The following PCDHGB1 variants were observed in gnomAD, a reference collection of about 807,000 sequenced individuals.
PCDHGB1 encodes the protein protocadherin gamma-B1.
In PCDHGB1, 34 loss-of-function variants were observed where a neutral mutation model predicts 56.6. The ratio of observed to expected loss-of-function variants is 0.60; its 90% CI spans 0.46 to 0.80. The LOEUF is 0.80. PCDHGB1 is among the 30% of genes least tolerant of loss of function. The probability of loss-of-function intolerance (pLI) is 0.00; values close to 1 mark genes in which losing one functional copy is unlikely to be tolerated. For synonymous variants in PCDHGB1, 561 were observed against 505.9 expected (o/e 1.11, Z -1.46); for missense variants, 1,278 against 1,204.6 (o/e 1.06, Z -0.90).
At chr5:141,374,611 T>G in intron 1 of PCDHGB1, 1 of 1,613,552 alleles carries the variant, frequency 6.2e-7, no homozygotes, top group East Asian at 2.2e-5. Context: ...GTGGTAATAG[T>G]CACTTCTCAG....
chr5:141,419,735 G>A (rs1013306543), intron 1 of PCDHGB1: 4 of 1,613,806 alleles, frequency 2.5e-6, no homozygotes, highest in Non-Finnish European at 3.4e-6. Flanking sequence ...AACAGGCGAG[G>A]TGCGCATGGT....
At chr5:141,371,593 A>G in intron 1 of PCDHGB1, 1 of 1,613,972 alleles carries the variant, frequency 6.2e-7, no homozygotes, top group Non-Finnish European at 8.5e-7. Context: ...GATACCAAAA[A>G]CACATACAGG....
chr5:141,486,909 C>A lies in PCDHGB1; in HGVS notation c.2410-7898C>A, dbSNP rs759702188. On this transcript the variant is annotated intron_variant, in intron 1 of 3. Coordinates refer to ENST00000523390, the MANE Select transcript of PCDHGB1 (RefSeq NM_018922.3). The surrounding 1 kb of genome is among the most constrained non-coding windows in gnomAD (Gnocchi z 5.0). ...CGGCCTGGTTCCTTATGTCCCCAAGCACTGCCTCCATCAGTTGGTGCTGGC... is the reference window on the plus strand; with the variant it reads ...CGGCCTGGTTCCTTATGTCCCCAAGAACTGCCTCCATCAGTTGGTGCTGGC... 3.1e-6 allele frequency: 5 copies of A among 1,614,262 alleles called. No individual in the cohort carries two copies. The East Asian group carries it at 1.1e-4, about 36-fold the overall frequency.
intron 1 of PCDHGB1, chr5:141,394,883 A>G (rs370442493): frequency 1.2e-6 from 2 of 1,611,604 alleles, no homozygotes; most frequent in African/African-American, 2.7e-5. Context: ...CGAGCCTTAC[A>G]CTCTATCTCG....
At chr5:141,408,947 ATTAGTC>A in intron 1 of PCDHGB1, 6 of 1,613,666 alleles carry the variant, frequency 3.7e-6, no homozygotes, top group Non-Finnish European at 5.1e-6. Context: ...CGAATATAGA[ATTAGTC>A]TTAGTGAAAA....
chr5:141,409,808 G>A lies in PCDHGB1; in HGVS notation c.2409+57139G>A, dbSNP rs1445467116. On this transcript the variant is annotated intron_variant, in intron 1 of 3. Coordinates refer to ENST00000523390, the MANE Select transcript of PCDHGB1 (RefSeq NM_018922.3). ...CTTCGCGCTCACGCTGCAGGCCCGC[G>A]ACCACGGCTCGCCCACGCTCAGCGC... 4.3e-6 allele frequency: 7 copies of A among 1,611,624 alleles called. No individual in the cohort carries two copies. In the East Asian group the frequency reaches 1.3e-4, roughly 31 times the overall value.
chr5:141,362,666 G>C, intron 1 of PCDHGB1: 1 of 1,321,002 alleles, frequency 7.6e-7, no homozygotes, highest in South Asian at 1.5e-5. Context: ...GGCCAATGTT[G>C]TGCCTTAATT....
rs375476706 is a variant in PCDHGB1, at chr5:141,351,961, C to T, written c.1701C>T (p.Gly567=). ...RVLYPALGPD[G]SALFDMVPRA... ...TGTACCCCGCGCTGGGGCCTGATGG[C>T]TCCGCCCTCTTCGATATGGTGCCAC... is the stretch of plus-strand genomic sequence containing the variant. Residue 567 remains glycine, a synonymous_variant, in exon 1 of 4, where the codon GGC becomes GGT. Transcript: ENST00000523390. The T allele has an allele frequency of 5.8e-4, 931 of 1,612,866 alleles. 2 individuals are homozygous for T. Among genetic ancestry groups the T allele is most frequent in the Middle Eastern group, 2.9e-3 (17 of 5,916 alleles).
chr5:141,374,160 C>T, intron 1 of PCDHGB1: 1 of 1,612,164 alleles, frequency 6.2e-7, no homozygotes, highest in Non-Finnish European at 8.5e-7. Context: ...CTGTGGGGGG[C>T]CGCGGCAGCG....
intron 2 of PCDHGB1, among the ~76,000 whole-genome samples, chr5:141,498,872 G>T (rs912789877): frequency 1.4e-4 from 21 of 151,650 alleles, no homozygotes; most frequent in Non-Finnish European, 2.9e-4. Flanking sequence ...GGCGGAGGTT[G>T]CAGTGAGCTG....
chr5:141,414,537 T>C (rs2095757230), intron 1 of PCDHGB1: 1 of 1,613,978 alleles, frequency 6.2e-7, no homozygotes, highest in Non-Finnish European at 8.5e-7. Flanking sequence ...ACAACCCACC[T>C]ACCTTCTCTC....
chr5:141,358,709 G>A (rs970952613), intron 1 of PCDHGB1, among the ~76,000 whole-genome samples: 1 of 152,222 alleles, frequency 6.6e-6, no homozygotes, highest in African/African-American at 2.4e-5. Context: ...AGACTTTCTT[G>A]ATTTCCAAGG....
chr5:141,447,119 A>AT (rs2098526425), intron 1 of PCDHGB1, among the ~76,000 whole-genome samples: 1 of 150,848 alleles, frequency 6.6e-6, no homozygotes, highest in South Asian at 2.1e-4. Flanking sequence ...TGCTCCATGG[A>AT]TTTTTTTGTT....
chr5:141,487,622 C>T lies in PCDHGB1; in HGVS notation c.2410-7185C>T. Reference sequence around the variant, plus strand: ...TCTTCTCTATGGGCTAGAGGTGAGACCTTTGCAGGCTCAACAAATGCTTGA... The same window carrying T: ...TCTTCTCTATGGGCTAGAGGTGAGATCTTTGCAGGCTCAACAAATGCTTGA... On this transcript the variant is annotated intron_variant, in intron 1 of 3. Coordinates refer to ENST00000523390, the MANE Select transcript of PCDHGB1 (RefSeq NM_018922.3). This position sits in a 1 kb window ranked among gnomAD's most constrained non-coding sequence, Gnocchi z 5.0. 1.2e-6 allele frequency: 2 copies of T among 1,614,174 alleles called. No homozygotes were observed. Among genetic ancestry groups the T allele is most frequent in the South Asian group, 1.1e-5 (1 of 91,084 alleles).
intron 1 of PCDHGB1, chr5:141,393,785 G>A (rs753963995): frequency 6.2e-7 from 1 of 1,613,922 alleles, no homozygotes; most frequent in Non-Finnish European, 8.5e-7. Context: ...CCGAAGATGT[G>A]GGGGCACTTC....
At position 141,486,209 on chromosome 5, in the gene PCDHGB1, A is replaced by G. The variant is rs749965379; in HGVS notation, c.2410-8598A>G. 1.2e-6 allele frequency: 2 copies of G among 1,614,080 alleles called. No homozygotes were observed. The highest frequency in any genetic ancestry group is 1.7e-6 in the Non-Finnish European group (2 of 1,179,988). ...AGTGGATCTGCTGGACGTAAATGAC[A>G]ATGCCCCTTACATCACAGTGACCTC... On this transcript the variant is annotated intron_variant, in intron 1 of 3. Transcript: ENST00000523390. The surrounding 1 kb of genome is among the most constrained non-coding windows in gnomAD (Gnocchi z 5.0).
At chr5:141,387,967 C>G in intron 1 of PCDHGB1, 1 of 1,489,226 alleles carries the variant, frequency 6.7e-7, no homozygotes, top group Non-Finnish European at 9.0e-7. Flanking sequence ...TTCTGCCCGG[C>G]GCTCTGTGAG....
At chr5:141,465,318 A>G (rs1440554123) in intron 1 of PCDHGB1, among the ~76,000 whole-genome samples, 1 of 152,198 alleles carries the variant, frequency 6.6e-6, no homozygotes, top group Non-Finnish European at 1.5e-5. Flanking sequence ...AGCCATGTCA[A>G]TGCAGTATTT....
At chr5:141,394,430 C>G in intron 1 of PCDHGB1, 2 of 1,614,244 alleles carry the variant, frequency 1.2e-6, no homozygotes, top group Non-Finnish European at 1.7e-6. Flanking sequence ...ACAGCGGGGA[C>G]CCGCCCCTCA....
Sources: gnomAD v4.1 joint callset for allele counts (sites outside exome capture counted in the v4.1 genomes callset) on GRCh38, gnomAD v4.1.1 for gene constraint, Gnocchi (gnomAD v3.1) non-coding constraint, MANE v1.5 for transcripts, NCBI Gene and HGNC (gene_info 2026-07-23, HGNC 2026-07-21) for gene names.